Variants in RBL2 observed in about 807,000 individuals in gnomAD.
RBL2 encodes RB transcriptional corepressor like 2, also known as retinoblastoma-like protein 2.
A neutral mutation model predicts 126.0 loss-of-function variants in RBL2; 56 were observed. The observed-to-expected ratio is 0.44, with a 90% CI of 0.36 to 0.56. RBL2 has a LOEUF of 0.56. RBL2 is among the 20% of genes least tolerant of loss of function. The pLI, the probability that RBL2 is intolerant of heterozygous loss-of-function variation, is 0.00. For missense variants in RBL2, 1,229 were observed against 1,398.2 expected, an observed-to-expected ratio of 0.88 and a Z score of 1.93; for synonymous variants, 454 against 478.5, an observed-to-expected ratio of 0.95 and a Z score of 0.67.
At chr16:53,454,894 G>C in intron 8 of RBL2, 52 bp downstream of exon 8, 1 of 1,419,296 alleles carries the variant, frequency 7.0e-7, no homozygotes, top group East Asian at 2.5e-5. Context: ...GTAAGCCAGG[G>C]GTTCTTTTTT....
chr16:53,482,764 C>T (rs8056370), intron 21 of RBL2, among the ~76,000 whole-genome samples: 71,313 of 149,594 alleles, frequency 0.48, 17,667 homozygotes, highest in Middle Eastern at 0.61. Context: ...GAGCAGAGAT[C>T]GCGCCATTGC....
rs147880565 is a variant in RBL2, at chr16:53,442,709, A to G, written c.423A>G (p.Leu141=). 1.8e-3 allele frequency: 2,844 copies of G among 1,613,820 alleles called. 102 individuals carry two copies. In the East Asian group the frequency reaches 0.055, roughly 31 times the overall value. Residue 141 remains leucine (L), a synonymous_variant, in exon 3 of 22, where the codon CTA becomes CTG. Transcript: ENST00000262133. ...KMKKWEDMAN[L]PPHFRERTER... Reference sequence around the variant, plus strand: ...AGAAGTGGGAAGACATGGCAAATCTACCCCCACATTTCAGAGAACGTACTG... The same window carrying G: ...AGAAGTGGGAAGACATGGCAAATCTGCCCCCACATTTCAGAGAACGTACTG...
chr16:53,460,026 G>C (rs1269680699), intron 9 of RBL2, among the ~76,000 whole-genome samples: 1 of 152,068 alleles, frequency 6.6e-6, no homozygotes, highest in Non-Finnish European at 1.5e-5. Flanking sequence ...AAGATTAATA[G>C]AGTTCCACAT....
chr16:53,453,777 C>T lies in RBL2; in HGVS notation c.992+8C>T, dbSNP rs768402421. ...GAACTTTGGAGAGAGTTTGTGAGTA[C>T]TTCTGTATAAAATGTTTTAATATTT... On this transcript the variant is annotated splice_region_variant and intron_variant, in intron 7 of 21. Transcript: ENST00000262133. 6.3e-7 allele frequency: 1 copy of T among 1,576,564 alleles called. No individual in the cohort carries two copies. The highest frequency in any genetic ancestry group is 8.6e-7 in the Non-Finnish European group (1 of 1,158,836).
At chr16:53,467,292 C>G in intron 14 of RBL2, 123 bp downstream of exon 14, 1 of 722,976 alleles carries the variant, frequency 1.4e-6, no homozygotes, top group Non-Finnish European at 2.3e-6. Context: ...CATTTTTGTA[C>G]CACATGGATC....
intron 14 of RBL2, 85 bp from the exon 15 acceptor site, chr16:53,469,831 T>A: frequency 7.1e-7 from 1 of 1,403,560 alleles, no homozygotes; most frequent in Non-Finnish European, 9.5e-7. Context: ...AACACTGTAG[T>A]TATTTTTTAA....
intron 21 of RBL2, among the ~76,000 whole-genome samples, chr16:53,482,942 A>C (rs1485861205): frequency 6.6e-6 from 1 of 152,180 alleles, no homozygotes; most frequent in African/African-American, 2.4e-5. Flanking sequence ...ACGACATCCA[A>C]ATGCAATGCA....
chr16:53,479,622 T>C, intron 18 of RBL2: 1 of 464,028 alleles, frequency 2.2e-6, no homozygotes, highest in Non-Finnish European at 3.8e-6. Context: ...GATCTGTGTA[T>C]CTTACTTAGA....
At chr16:53,486,231 G>A (rs1876223002) in intron 21 of RBL2, among the ~76,000 whole-genome samples, 2 of 152,000 alleles carry the variant, frequency 1.3e-5, no homozygotes, top group Non-Finnish European at 2.9e-5. Flanking sequence ...AGCCTGCGTG[G>A]TCAAGGCTGC....
chr16:53,479,708 G>T lies in RBL2; in HGVS notation c.2776-178G>T, dbSNP rs192576480. 84 of 547,054 alleles carry T rather than the reference G, an allele frequency of 1.5e-4. 1 individual carries two copies. In the East Asian group the frequency reaches 2.0e-3, roughly 13 times the overall value. The allele number at this position is 547,054 out of a possible 1,614,324, so 33.9% of individuals were successfully genotyped here. A position where few individuals can be genotyped will look rare whatever the true frequency, so the allele number is the denominator to read the frequency against. ...TAGTACTTGGCATGTGATGCTAGATGGGCTCTGATTGAATCCTGGATCTGT... is the reference window on the plus strand; with the variant it reads ...TAGTACTTGGCATGTGATGCTAGATTGGCTCTGATTGAATCCTGGATCTGT... On this transcript the variant is annotated intron_variant, in intron 18 of 21. Transcript: ENST00000262133.
At chr16:53,440,741 G>A (rs1307107577) in intron 2 of RBL2, among the ~76,000 whole-genome samples, 1 of 151,956 alleles carries the variant, frequency 6.6e-6, no homozygotes, top group Non-Finnish European at 1.5e-5. Flanking sequence ...TTTTAGTAGA[G>A]ACGGGTTTCA....
intron 14 of RBL2, among the ~76,000 whole-genome samples, chr16:53,468,544 C>A (rs1200521723): frequency 6.6e-6 from 1 of 152,132 alleles, no homozygotes; most frequent in Non-Finnish European, 1.5e-5. Flanking sequence ...CTTTAAACTT[C>A]ATTTTCTTTG....
In RBL2 at chr16:53,490,339, T is replaced by TAGC. The variant is rs757723315; in HGVS notation, c.*46_*48dup. 1.1e-4 allele frequency: 166 copies of TAGC among 1,506,806 alleles called. No individual in the cohort carries two copies. Among genetic ancestry groups the TAGC allele is most frequent in the Non-Finnish European group, 1.4e-4 (160 of 1,110,886 alleles). 93.3% of individuals were successfully genotyped at this position (1,506,806 alleles called of 1,614,324 possible). A position where few individuals can be genotyped will look rare whatever the true frequency, so the allele number is the denominator to read the frequency against. On this transcript the variant is annotated 3_prime_UTR_variant, in exon 22 of 22. Transcript: ENST00000262133. ...TATTAAACTCTTCACAAAATCTGTTTAGCAGCAGCCTTTAATGCATCTAGA... is the reference window on the plus strand; with the variant it reads ...TATTAAACTCTTCACAAAATCTGTTTAGCAGCAGCAGCCTTTAATGCATCTAGA...
chr16:53,465,513 C>T lies in RBL2; in HGVS notation c.1774C>T (p.Gln592Ter). The stretch of plus-strand genomic sequence containing the variant: ...AAAACACCTTAATCAGATTGAAGAA[C>T]AGATCTTAGATCATTTGGCATGGAA... Reference protein sequence around the residue: ...VVKHLNQIEEQILDHLAWKPE... With the variant: ...VVKHLNQIEE The change falls in exon 13 of 22, where the codon CAG becomes TAG. Residue 592 changes from glutamine (Q) to a stop codon, truncating the protein, a stop_gained. Transcript: ENST00000262133. LOFTEE classifies it high-confidence loss of function. 1 of 1,606,068 alleles carries T rather than the reference C, an allele frequency of 6.2e-7. No individual in the cohort carries two copies. Among genetic ancestry groups the T allele is most frequent in the Non-Finnish European group, 8.5e-7 (1 of 1,176,470 alleles).
At chr16:53,436,708 TC>T (rs1335807687) in intron 1 of RBL2, among the ~76,000 whole-genome samples, 2 of 152,234 alleles carry the variant, frequency 1.3e-5, no homozygotes, top group African/African-American at 4.8e-5. Context: ...TGTAACTCAT[TC>T]TCACAGTCCT....
At chr16:53,467,668 A>G (rs184981497) in intron 14 of RBL2, among the ~76,000 whole-genome samples, 3 of 152,288 alleles carry the variant, frequency 2.0e-5, no homozygotes, top group Non-Finnish European at 4.4e-5. Context: ...AATTACAGGC[A>G]TGAGGCACCG....
chr16:53,470,607 A>G lies in RBL2; in HGVS notation c.2470A>G (p.Thr824Ala), dbSNP rs745855374. The G allele has an allele frequency of 1.2e-6, 2 of 1,614,226 alleles. No homozygotes were observed. Among genetic ancestry groups the G allele is most frequent in the Non-Finnish European group, 1.7e-6 (2 of 1,180,042 alleles). ...GQQQKQGQSV[T>A]SSSNRPRKTS... ...ACAGCAGAAGCAAGGCCAGTCTGTA[A>G]CCAGCAGTAGTAATAGACCCAGGAA... The change falls in exon 16 of 22, where the codon ACC becomes GCC. Residue 824 changes from threonine (T) to alanine (A), a missense_variant. Coordinates refer to ENST00000262133, the MANE Select transcript of RBL2 (RefSeq NM_005611.4).
chr16:53,488,814 A>C lies in RBL2; in HGVS notation c.3250-1316A>C, dbSNP rs1014332294. The stretch of plus-strand genomic sequence containing the variant: ...CAATGTATACAGTAAACAGTGTAAG[A>C]AATATTCAAGCAAATGGGAGACTGC... On this transcript the variant is annotated intron_variant, in intron 21 of 21. Transcript: ENST00000262133. 9.8e-5 allele frequency: 15 copies of C among 152,338 alleles called. No individual in the cohort carries two copies. In the East Asian group the frequency reaches 1.7e-3, roughly 18 times the overall value. The allele number at this position is 152,338 out of a possible 1,614,324, so 9.4% of individuals were successfully genotyped here.
chr16:53,442,075 C>G (rs1205773562), intron 2 of RBL2, among the ~76,000 whole-genome samples: 1 of 152,126 alleles, frequency 6.6e-6, no homozygotes, highest in Non-Finnish European at 1.5e-5. Context: ...CCACCTCGGC[C>G]TCCCAAAGTG....
Sources: gnomAD v4.1 joint callset for allele counts (sites outside exome capture counted in the v4.1 genomes callset) on GRCh38, gnomAD v4.1.1 for gene constraint, MANE v1.5 for transcripts, NCBI Gene and HGNC (gene_info 2026-07-23, HGNC 2026-07-21) for gene names.